The following SUMF1 variants were observed in gnomAD, a reference collection of about 807,000 sequenced individuals.
SUMF1 encodes the protein formylglycine-generating enzyme.
In SUMF1, 48 loss-of-function variants were observed where a neutral mutation model predicts 47.6. The observed-to-expected ratio is 1.01, with a 90% confidence interval of 0.80 to 1.28. The LOEUF is 1.28. SUMF1 is among the 50% of genes most tolerant of loss of function. The pLI, the probability that SUMF1 is intolerant of heterozygous loss-of-function variation, is 0.00. For missense variants in SUMF1, 571 were observed against 485.4 expected, an observed-to-expected ratio of 1.18 and a Z score of -1.66; for synonymous variants, 230 against 192.1, an observed-to-expected ratio of 1.20 and a Z score of -1.63.
At position 4,459,642 on chromosome 3, in the gene SUMF1, A is replaced by G. The variant is rs73807246; in HGVS notation, c.271-6593T>C. Among the ~76,000 whole-genome samples the G allele has an allele frequency of 6.7e-3, 1,017 of 152,296 alleles. 13 individuals are homozygous for G. Among genetic ancestry groups the G allele is most frequent in the African/African-American group, 0.024 (977 of 41,562 alleles). On this transcript the variant is annotated intron_variant, in intron 1 of 8. Transcript: ENST00000272902. Reference sequence around the variant, plus strand: ...TGTCTAATGTATTACTACTATCCCAAGAAATCAACCTTGACTACTCACATC... The same window carrying G: ...TGTCTAATGTATTACTACTATCCCAGGAAATCAACCTTGACTACTCACATC...
chr3:4,060,139 AT>A (rs1359263654), intron 9 of SUMF1, among the ~76,000 whole-genome samples: 1 of 152,222 alleles, frequency 6.6e-6, no homozygotes. Flanking sequence ...GTTTTGAAAA[AT>A]CGCTCTAGCT....
chr3:4,417,922 C>A, intron 5 of SUMF1, 88 bp downstream of exon 5: 1 of 1,596,288 alleles, frequency 6.3e-7, no homozygotes, highest in Non-Finnish European at 8.6e-7. Flanking sequence ...AACTTTCTAA[C>A]CAAAGTAAGT....
chr3:4,175,549 A>C (rs1361176744), intron 8 of SUMF1, among the ~76,000 whole-genome samples: 1 of 152,176 alleles, frequency 6.6e-6, no homozygotes, highest in Non-Finnish European at 1.5e-5. Flanking sequence ...CCAACATCAA[A>C]GACCAAAGGT....
intron 8 of SUMF1, among the ~76,000 whole-genome samples, chr3:4,115,541 A>G (rs754980013): frequency 1.8e-4 from 27 of 149,346 alleles, no homozygotes; most frequent in Non-Finnish European, 3.1e-4. Context: ...CCTTGGGGTC[A>G]GAGCCCAAAA....
chr3:4,129,663 C>T (rs1203949502), intron 8 of SUMF1, among the ~76,000 whole-genome samples: 1 of 152,048 alleles, frequency 6.6e-6, no homozygotes, highest in East Asian at 1.9e-4. Flanking sequence ...AGCCGTTTAC[C>T]AGGATAACTG....
At chr3:4,223,906 C>A (rs1425999922) in intron 8 of SUMF1, among the ~76,000 whole-genome samples, 1 of 152,120 alleles carries the variant, frequency 6.6e-6, no homozygotes, top group Non-Finnish European at 1.5e-5. Flanking sequence ...ACTCTCTGAG[C>A]CTTCATTTCT....
At position 4,268,888 on chromosome 3, in the gene SUMF1, G is replaced by A. The variant is rs184195705; in HGVS notation, c.1014+107442C>T. Among the ~76,000 whole-genome samples the A allele has an allele frequency of 2.0e-3, 303 of 152,198 alleles. 1 individual carries two copies. The highest frequency in any genetic ancestry group is 3.4e-3 in the Middle Eastern group (1 of 294). Reference sequence around the variant, plus strand: ...ACATTTAGAGTGAATGTGTGTGTGTGTGCGTGTGTGTATATATACATATAT... The same window carrying A: ...ACATTTAGAGTGAATGTGTGTGTGTATGCGTGTGTGTATATATACATATAT... On this transcript the variant is annotated intron_variant and NMD_transcript_variant, in intron 8 of 12. Coordinates refer to the SUMF1 transcript ENST00000448413.
intron 8 of SUMF1, among the ~76,000 whole-genome samples, chr3:4,305,603 T>C (rs1277179786): frequency 1.3e-5 from 2 of 152,194 alleles, no homozygotes; most frequent in Non-Finnish European, 2.9e-5. Context: ...TTTCAAGATA[T>C]GGCAAGGAAA....
At chr3:4,269,872 C>A (rs778197238) in intron 8 of SUMF1, among the ~76,000 whole-genome samples, 2 of 152,122 alleles carry the variant, frequency 1.3e-5, no homozygotes, top group Non-Finnish European at 2.9e-5. Flanking sequence ...GTATACAATA[C>A]AAGCTGCTCT....
chr3:4,118,196 C>T (rs1177458862), intron 8 of SUMF1, among the ~76,000 whole-genome samples: 2 of 151,944 alleles, frequency 1.3e-5, no homozygotes, highest in Non-Finnish European at 2.9e-5. Flanking sequence ...CCATCATCGC[C>T]TCTAGCTTTG....
At chr3:4,162,262 C>T (rs115465216) in intron 8 of SUMF1, among the ~76,000 whole-genome samples, 3,345 of 152,246 alleles carry the variant, frequency 0.022, 116 homozygotes, top group African/African-American at 0.071. Flanking sequence ...CAGCAAGCTG[C>T]GCTACCTGAG....
intron 7 of SUMF1, among the ~76,000 whole-genome samples, chr3:4,388,630 T>C (rs1047191924): frequency 2.0e-5 from 3 of 152,116 alleles, no homozygotes; most frequent in Non-Finnish European, 2.9e-5. Flanking sequence ...CTCTATTTTT[T>C]TGTCTCTGTT....
chr3:4,277,221 G>C (rs1053652316), intron 8 of SUMF1, among the ~76,000 whole-genome samples: 1 of 152,052 alleles, frequency 6.6e-6, no homozygotes, highest in Non-Finnish European at 1.5e-5. Context: ...CATTGATATA[G>C]TCTAATCACA....
intron 8 of SUMF1, among the ~76,000 whole-genome samples, chr3:4,325,307 C>T (rs1264378333): frequency 6.6e-6 from 1 of 151,654 alleles, no homozygotes; most frequent in Non-Finnish European, 1.5e-5. Flanking sequence ...ATCCACATGG[C>T]TAGGAAGGCT....
intron 8 of SUMF1, among the ~76,000 whole-genome samples, chr3:4,178,050 G>A (rs928426516): frequency 5.3e-5 from 8 of 151,952 alleles, no homozygotes; most frequent in East Asian, 1.9e-4. Flanking sequence ...GAATAGTTAA[G>A]AGCCTACCAG....
intron 8 of SUMF1, among the ~76,000 whole-genome samples, chr3:4,199,062 G>A (rs1695488987): frequency 6.6e-6 from 1 of 151,518 alleles, no homozygotes; most frequent in Non-Finnish European, 1.5e-5. Context: ...ATGAGTTTAG[G>A]TAAATGTATG....
chr3:4,144,982 G>A (rs1308268290), intron 8 of SUMF1, among the ~76,000 whole-genome samples: 1 of 151,948 alleles, frequency 6.6e-6, no homozygotes. Flanking sequence ...GGTGGATCAC[G>A]AGGTCAGCAG....
At chr3:4,447,368 G>A (rs1702815851) in intron 3 of SUMF1, among the ~76,000 whole-genome samples, 1 of 152,100 alleles carries the variant, frequency 6.6e-6, no homozygotes, top group South Asian at 2.1e-4. Flanking sequence ...AAGTACTAAG[G>A]ATATGCTAGC....
At chr3:4,211,226 A>ATATATATC (rs1457657885) in intron 8 of SUMF1, among the ~76,000 whole-genome samples, 6 of 136,904 alleles carry the variant, frequency 4.4e-5, no homozygotes, top group East Asian at 2.0e-4. Flanking sequence ...ATATATATAT[A>ATATATATC]TCCTATTAGT....
Sources: allele counts gnomAD v4.1 joint callset (sites outside exome capture counted in the v4.1 genomes callset), GRCh38; gene constraint gnomAD v4.1.1; transcripts MANE v1.5; gene names NCBI Gene and HGNC (gene_info 2026-07-23, HGNC 2026-07-21).